The following WNK1 variants were observed in gnomAD, a reference collection of about 807,000 sequenced individuals.
WNK1 encodes the protein WNK lysine deficient protein kinase 1.
Under a neutral mutation model 222.8 loss-of-function variants are expected in WNK1, and 38 were observed. That is an observed-to-expected ratio of 0.17 (90% CI 0.13 to 0.22). The LOEUF is 0.22. WNK1 is among the 10% of genes least tolerant of loss of function. WNK1 has a pLI of 1.00. For missense variants in WNK1, 2,348 were observed against 2,918.4 expected, an observed-to-expected ratio of 0.80 and a Z score of 4.50; for synonymous variants, 1,090 against 1,092.9, an observed-to-expected ratio of 1.00 and a Z score of 0.05.
At chr12:792,929 A>G (rs1369855119) in intron 1 of WNK1, among the ~76,000 whole-genome samples, 1 of 152,180 alleles carries the variant, frequency 6.6e-6, no homozygotes, top group East Asian at 1.9e-4. Flanking sequence ...ACTTGGATAT[A>G]AATACCTTTA....
chr12:874,666 T>C (rs2154076788), intron 9 of WNK1, among the ~76,000 whole-genome samples: 1 of 152,318 alleles, frequency 6.6e-6, no homozygotes, highest in East Asian at 1.9e-4. Context: ...TAATAGCTAA[T>C]ATTAAAGTGC....
intron 26 of WNK1, among the ~76,000 whole-genome samples, chr12:902,839 C>T (rs892056955): frequency 6.6e-6 from 1 of 152,126 alleles, no homozygotes; most frequent in Non-Finnish European, 1.5e-5. Context: ...AATAACTGTT[C>T]GTGGAAGAAC....
At position 827,328 on chromosome 12, in the gene WNK1, C is replaced by G. The variant is rs774428586; in HGVS notation, c.1153+66C>G. ...ACATTCCTTTTATTTAGAATCCTGG[C>G]TCTGTCAGAGTTTTAAGTGATATAA... On this transcript the variant is annotated intron_variant, in intron 3 of 27. Transcript: ENST00000315939. The surrounding 1 kb of genome is among the most constrained non-coding windows in gnomAD (Gnocchi z 4.6). 2 of 1,421,116 alleles carry G rather than the reference C, an allele frequency of 1.4e-6. No individual in the cohort carries two copies. The highest frequency in any genetic ancestry group is 2.0e-6 in the Non-Finnish European group (2 of 1,005,422). The allele number at this position is 1,421,116 out of a possible 1,614,324, so 88.0% of individuals were successfully genotyped here.
intron 8 of WNK1, among the ~76,000 whole-genome samples, chr12:864,228 C>G (rs986387474): frequency 6.6e-6 from 1 of 151,586 alleles, no homozygotes; most frequent in Non-Finnish European, 1.5e-5. Context: ...CTGCCTCAGC[C>G]TCCCCAGTAG....
intron 9 of WNK1, among the ~76,000 whole-genome samples, chr12:872,518 C>T (rs1460344077): frequency 6.6e-6 from 1 of 152,124 alleles, no homozygotes; most frequent in Non-Finnish European, 1.5e-5. Flanking sequence ...CTGATACATC[C>T]AACAGTAAAA....
intron 1 of WNK1, among the ~76,000 whole-genome samples, chr12:755,624 T>G (rs1188099682): frequency 6.7e-6 from 1 of 149,606 alleles, no homozygotes; most frequent in African/African-American, 2.5e-5. Context: ...GTGACAGATC[T>G]TTAAAAAAAA....
chr12:870,360 A>C (rs1285345673), intron 8 of WNK1, among the ~76,000 whole-genome samples: 1 of 152,238 alleles, frequency 6.6e-6, no homozygotes, highest in Non-Finnish European at 1.5e-5. Flanking sequence ...CCAGGTAGTT[A>C]ATTTATAGAC....
rs1024769098 is a variant in WNK1 at position 865,032 on chromosome 12, C to T, written c.2139+2762C>T. The stretch of plus-strand genomic sequence containing the variant: ...TGGAACATTTCTTCATGCAACTATG[C>T]CCTGTTATCATTGTACTTTTGTTTA... On this transcript the variant is annotated intron_variant, in intron 8 of 27. Transcript: ENST00000315939. 7 of 1,421,952 alleles carry T rather than the reference C, an allele frequency of 4.9e-6. No homozygotes were observed. The African/African-American group carries it at 7.2e-5, about 15-fold the overall frequency. 88.1% of individuals were successfully genotyped at this position (1,421,952 alleles called of 1,614,324 possible).
At chr12:892,182 C>G (rs576686216) in intron 22 of WNK1, among the ~76,000 whole-genome samples, 1 of 151,596 alleles carries the variant, frequency 6.6e-6, no homozygotes, top group Non-Finnish European at 1.5e-5. Context: ...CCCATTAACT[C>G]GTCATTTAGC....
intron 21 of WNK1, 43 bp from the exon 22 acceptor site, chr12:890,410 T>G (rs763702948): frequency 6.2e-7 from 1 of 1,613,526 alleles, no homozygotes; most frequent in Non-Finnish European, 8.5e-7. Context: ...TTTGAGTGAC[T>G]GAAGCTAAAG....
intron 26 of WNK1, among the ~76,000 whole-genome samples, chr12:902,552 A>G (rs1955355922): frequency 6.6e-6 from 1 of 152,216 alleles, no homozygotes; most frequent in Admixed American, 6.5e-5. Flanking sequence ...TTATTCTGAT[A>G]AAGCACTTAG....
rs1951019412 is a variant in WNK1 at position 859,362 on chromosome 12, T to G, written c.1518T>G (p.Ile506Met). Residue 506 changes from isoleucine to methionine, a missense_variant, in exon 6 of 28, where the codon ATT (isoleucine) becomes ATG (methionine). Transcript: ENST00000315939. ...EKIAIKLWLR[I>M]EDIKKLKGKY... ...TAGCCATAAAATTATGGCTACGTAT[T>G]GAAGATATTAAGAAATTAAAGGGAA... 1 of 1,612,164 alleles carries G rather than the reference T, an allele frequency of 6.2e-7. No homozygotes were observed. The highest frequency in any genetic ancestry group is 8.5e-7 in the Non-Finnish European group (1 of 1,178,546).
Position 879,648 on chromosome 12 carries a change from C to T in WNK1, c.2449C>T (p.Pro817Ser). Residue 817 changes from proline to serine, a missense_variant, in exon 11 of 28, where the codon CCA becomes TCA. Transcript: ENST00000315939. ...IPVATQPSVV[P>S]VHSGAHFLPV... The stretch of plus-strand genomic sequence containing the variant: ...AGTTGCGACACAACCCTCGGTTGTT[C>T]CAGTCCACTCTGGTGCTCATTTCCT... 1 of 1,613,462 alleles carries T rather than the reference C, an allele frequency of 6.2e-7. No homozygotes were observed. Among genetic ancestry groups the T allele is most frequent in the South Asian group, 1.1e-5 (1 of 91,034 alleles).
intron 4 of WNK1, among the ~76,000 whole-genome samples, chr12:837,499 G>A (rs1383140562): frequency 2.0e-5 from 3 of 151,374 alleles, no homozygotes; most frequent in South Asian, 2.1e-4. Context: ...ACTTGAACCC[G>A]GGAGGCAGAG....
At position 865,104 on chromosome 12, in the gene WNK1, G is replaced by A. The variant is rs1031988902; in HGVS notation, c.2139+2834G>A. On this transcript the variant is annotated intron_variant, in intron 8 of 27. Coordinates refer to ENST00000315939, the MANE Select transcript of WNK1 (RefSeq NM_018979.4). ...TTTTTCATGTGTGTGTTTGTTTTGT[G>A]TTGAGCCTCGTCGTGGCCGTAGCAT... 1.3e-6 allele frequency: 2 copies of A among 1,507,984 alleles called. No individual in the cohort carries two copies. The highest frequency in any genetic ancestry group is 8.8e-7 in the Non-Finnish European group (1 of 1,130,750). The allele number at this position is 1,507,984 out of a possible 1,614,324, so 93.4% of individuals were successfully genotyped here.
intron 21 of WNK1, 110 bp from the exon 22 acceptor site, chr12:890,343 C>T (rs1175130351): frequency 1.9e-6 from 2 of 1,045,944 alleles, no homozygotes; most frequent in Admixed American, 1.8e-5. Flanking sequence ...TGTTTCATCA[C>T]ATATACTGTC....
chr12:799,697 T>G (rs1308794019), intron 1 of WNK1, among the ~76,000 whole-genome samples: 1 of 152,118 alleles, frequency 6.6e-6, no homozygotes, highest in East Asian at 1.9e-4. Context: ...TTTATTTATT[T>G]ATTTTTTGAG....
At position 878,209 on chromosome 12, in the gene WNK1, T is replaced by TA; in HGVS notation, c.2224-2dup. ...AAACTGAATCATTGTATTTTATTCT[T>TA]AGCAGCAGGGAATACAGCAGACAGC... is the stretch of plus-strand genomic sequence containing the variant. On this transcript the variant is annotated splice_polypyrimidine_tract_variant and splice_region_variant and intron_variant, in intron 9 of 27. Transcript: ENST00000315939. 6.2e-7 allele frequency: 1 copy of TA among 1,614,136 alleles called. No individual in the cohort carries two copies.
At chr12:792,556 C>T (rs1049143178) in intron 1 of WNK1, among the ~76,000 whole-genome samples, 5 of 151,900 alleles carry the variant, frequency 3.3e-5, no homozygotes, top group African/African-American at 9.7e-5. Flanking sequence ...CCTCGTGATC[C>T]GCCCACCTCA....
Sources: gnomAD v4.1 joint callset for allele counts (sites outside exome capture counted in the v4.1 genomes callset) on GRCh38, gnomAD v4.1.1 for gene constraint, Gnocchi (gnomAD v3.1) non-coding constraint, MANE v1.5 for transcripts, NCBI Gene and HGNC (gene_info 2026-07-23, HGNC 2026-07-21) for gene names.